The following TXLNB variants were observed in gnomAD, a reference collection of about 807,000 sequenced individuals.
The protein encoded by TXLNB is beta-taxilin.
Under a neutral mutation model 57.4 loss-of-function variants are expected in TXLNB, and 37 were observed. That is an observed-to-expected ratio of 0.64 (90% CI 0.50 to 0.85). The LOEUF (loss-of-function observed/expected upper bound fraction) is 0.85, where lower values mean the gene tolerates loss of function less well. Ranked by LOEUF, TXLNB falls within the 40% of genes least tolerant of loss-of-function variation. TXLNB has a pLI of 0.00. For missense variants in TXLNB, 848 were observed against 825.6 expected (o/e 1.03, Z -0.33); for synonymous variants, 302 against 309.6 (o/e 0.98, Z 0.26).
At chr6:139,174,107 A>T in the TXLNB span, among the ~76,000 whole-genome samples, 1 of 152,194 alleles carries the variant, frequency 6.6e-6, no homozygotes, top group Non-Finnish European at 1.5e-5. Context: ...ATTTGGATGG[A>T]CCCATTATGT....
the TXLNB span, among the ~76,000 whole-genome samples, chr6:139,233,793 A>G: frequency 6.6e-6 from 1 of 152,194 alleles, no homozygotes; most frequent in Non-Finnish European, 1.5e-5. Flanking sequence ...ATTGTTACCA[A>G]GATAGTGGGG....
the TXLNB span, among the ~76,000 whole-genome samples, chr6:139,205,321 T>C: frequency 1.1e-3 from 171 of 152,298 alleles, no homozygotes; most frequent in African/African-American, 4.0e-3. Flanking sequence ...GAGATGGGGT[T>C]ATACCATGTT....
the TXLNB span, among the ~76,000 whole-genome samples, chr6:139,322,525 C>A: frequency 1.3e-5 from 2 of 152,202 alleles, no homozygotes; most frequent in East Asian, 3.9e-4. Context: ...CTCCTCCAGT[C>A]TTCCCCATTA....
At chr6:139,299,625 C>T in the TXLNB span, among the ~76,000 whole-genome samples, 3 of 152,072 alleles carry the variant, frequency 2.0e-5, no homozygotes, top group Non-Finnish European at 4.4e-5. Context: ...CAGATCATCT[C>T]CCCACTTGGG....
the TXLNB span, among the ~76,000 whole-genome samples, chr6:139,185,648 C>A: frequency 6.6e-6 from 1 of 152,136 alleles, no homozygotes; most frequent in South Asian, 2.1e-4. Context: ...TTGCAGTGAG[C>A]CGAGATCGCA....
At chr6:139,294,718 G>T (rs1009633795), upstream of TXLNB, among the ~76,000 whole-genome samples, 1 of 152,070 alleles carries the variant, frequency 6.6e-6, no homozygotes. Context: ...GGCCCGGCAC[G>T]CTGGCTCACG....
Position 139,247,801 on chromosome 6 carries a change from G to C in TXLNB, c.1170+16C>G, listed in dbSNP as rs375855246. 3 of 1,551,822 alleles carry C rather than the reference G, an allele frequency of 1.9e-6. No individual in the cohort carries two copies. Among genetic ancestry groups the C allele is most frequent in the Non-Finnish European group, 2.6e-6 (3 of 1,137,744 alleles). ...TAGAAAATGTCAATATTTTGTTGGT[G>C]ATAAGCAATACTCACTTTGTCCATT... is the stretch of plus-strand genomic sequence containing the variant. On this transcript the variant is annotated intron_variant, in intron 8 of 9. Coordinates refer to ENST00000358430, the MANE Select transcript of TXLNB (RefSeq NM_153235.4).
chr6:139,191,454 A>G, the TXLNB span, among the ~76,000 whole-genome samples: 4 of 152,196 alleles, frequency 2.6e-5, no homozygotes, highest in African/African-American at 9.6e-5. Context: ...CAGTTTATCA[A>G]CTGCACTAAC....
rs780764398 is a variant in TXLNB, at chr6:139,242,722, T to C, written c.1859A>G (p.Glu620Gly). 1.7e-5 allele frequency: 27 copies of C among 1,612,826 alleles called. No individual in the cohort carries two copies. Among genetic ancestry groups the C allele is most frequent in the Non-Finnish European group, 2.3e-5 (27 of 1,179,638 alleles). ...ASGQAPQAPT[E>G]ASLQKMEADV... The stretch of plus-strand genomic sequence containing the variant: ...TGCCTCCATCTTCTGTAGGGAGGCC[T>C]CGGTGGGAGCCTGTGGGGCCTGACC... The change falls in exon 10 of 10, where the codon GAG (glutamate) becomes GGG (glycine). Residue 620 changes from glutamate to glycine, a missense_variant. Physicochemically the swap from Glu to Gly is moderately conservative, Grantham distance 98 (BLOSUM62 -2). Coordinates refer to ENST00000358430, the MANE Select transcript of TXLNB (RefSeq NM_153235.4).
At chr6:139,232,560 AT>A in the TXLNB span, among the ~76,000 whole-genome samples, 4 of 152,208 alleles carry the variant, frequency 2.6e-5, no homozygotes, top group Admixed American at 2.6e-4. Context: ...TGAATACTTT[AT>A]GGCTTGTTAC....
chr6:139,250,377 A>G (rs1582994607), intron 7 of TXLNB, among the ~76,000 whole-genome samples: 2 of 111,958 alleles, frequency 1.8e-5, no homozygotes, highest in Admixed American at 9.3e-5. Context: ...TTTTTTTTTC[A>G]AAATACTGGC....
chr6:139,307,346 C>A, the TXLNB span, among the ~76,000 whole-genome samples: 2 of 152,162 alleles, frequency 1.3e-5, no homozygotes, highest in African/African-American at 4.8e-5. Context: ...TATGACACCA[C>A]CCCTGGCTAA....
chr6:139,255,160 G>A (rs926145181), intron 7 of TXLNB, among the ~76,000 whole-genome samples: 1 of 152,062 alleles, frequency 6.6e-6, no homozygotes, highest in Non-Finnish European at 1.5e-5. Flanking sequence ...AAGACATGAG[G>A]ACATCTTAAG....
At position 139,262,677 on chromosome 6, in the gene TXLNB, C is replaced by G. The variant is rs1190887854; in HGVS notation, c.784G>C (p.Glu262Gln). 2 of 1,614,164 alleles carry G rather than the reference C, an allele frequency of 1.2e-6. No individual in the cohort carries two copies. The highest frequency in any genetic ancestry group is 8.5e-7 in the Non-Finnish European group (1 of 1,180,018). Residue 262 changes from glutamate (E) to glutamine (Q), a missense_variant, in exon 5 of 10, where the codon GAG (glutamate) becomes CAG (glutamine). Transcript: ENST00000358430. ...TTCATATTTCGCTCACTCTGCTGCTCGATCTGGCCCTGGATGTCCGTGAGG... is the reference window on the plus strand; with the variant it reads ...TTCATATTTCGCTCACTCTGCTGCTGGATCTGGCCCTGGATGTCCGTGAGG... The part of the protein sequence containing the change: ...STLTDIQGQI[E>Q]QQSERNMKLC...
At chr6:139,307,788 GGCTTCA>G in the TXLNB span, among the ~76,000 whole-genome samples, 3 of 151,922 alleles carry the variant, frequency 2.0e-5, no homozygotes, top group African/African-American at 4.8e-5. Context: ...GTTAAATGTT[GGCTTCA>G]TTATGAAAGA....
the TXLNB span, among the ~76,000 whole-genome samples, chr6:139,191,015 G>C: frequency 6.6e-6 from 1 of 152,184 alleles, no homozygotes; most frequent in Admixed American, 6.5e-5. Context: ...AAGGGGGACA[G>C]ATACAAGAAT....
At chr6:139,190,814 C>T in the TXLNB span, among the ~76,000 whole-genome samples, 3 of 152,084 alleles carry the variant, frequency 2.0e-5, no homozygotes, top group Non-Finnish European at 2.9e-5. Flanking sequence ...GTTGAAGGTC[C>T]CACCTCTAAA....
intron 7 of TXLNB, among the ~76,000 whole-genome samples, chr6:139,253,758 T>C (rs1776267860): frequency 6.6e-6 from 1 of 152,232 alleles, no homozygotes; most frequent in African/African-American, 2.4e-5. Flanking sequence ...TGAATCACTC[T>C]GTAGCCCACA....
the TXLNB span, among the ~76,000 whole-genome samples, chr6:139,218,972 G>T: frequency 8.6e-5 from 13 of 152,024 alleles, no homozygotes; most frequent in Admixed American, 8.5e-4. Context: ...TGTCAATTGT[G>T]GAATACTGGT....
Sources: allele counts gnomAD v4.1 joint callset (sites outside exome capture counted in the v4.1 genomes callset), GRCh38; gene constraint gnomAD v4.1.1; transcripts MANE v1.5; gene names NCBI Gene and HGNC (gene_info 2026-07-23, HGNC 2026-07-21).